Variants in RPS6KA3 observed in about 807,000 individuals in gnomAD.
RPS6KA3 encodes ribosomal protein S6 kinase alpha-3.
A neutral mutation model predicts 67.2 loss-of-function variants in RPS6KA3; 4 were observed. The observed-to-expected ratio is 0.06, with a 90% CI of 0.03 to 0.14. The LOEUF (loss-of-function observed/expected upper bound fraction) is 0.14, where lower values mean the gene tolerates loss of function less well. Among genes scored for constraint, RPS6KA3 ranks in the 10% least tolerant of loss-of-function variants. The pLI, the probability that RPS6KA3 is intolerant of heterozygous loss-of-function variation, is 1.00. For missense variants in RPS6KA3, 204 were observed against 559.0 expected (o/e 0.36, Z 6.40); for synonymous variants, 182 against 183.7 (o/e 0.99, Z 0.07).
chrX:20,216,586 G>A (rs1364535005), intron 2 of RPS6KA3, among the ~76,000 whole-genome samples: 1 of 110,445 alleles, frequency 9.1e-6, no homozygotes, highest in Non-Finnish European at 1.9e-5. Flanking sequence ...TATGGAAAGG[G>A]GGGGGTTGTA....
At chrX:20,163,174 C>A (rs1354533954) in intron 18 of RPS6KA3, 134 bp from the exon 19 acceptor site, 1 of 486,033 alleles carries the variant, frequency 2.1e-6, no homozygotes, top group Admixed American at 3.0e-5. Context: ...CCAAATAAGG[C>A]AATACGTTAA....
chrX:20,188,962 T>C (rs1472446998), intron 7 of RPS6KA3, among the ~76,000 whole-genome samples: 1 of 112,149 alleles, frequency 8.9e-6, no homozygotes, highest in African/African-American at 3.2e-5. Context: ...TTGTGGAGAA[T>C]AGGGTATCAC....
At chrX:20,188,368 G>A (rs1035027596) in intron 8 of RPS6KA3, 129 bp downstream of exon 8, 8 of 435,784 alleles carry the variant, frequency 1.8e-5, no homozygotes, top group East Asian at 1.6e-4. Flanking sequence ...GAGCCACTAC[G>A]CCTGGCCCTA....
intron 18 of RPS6KA3, among the ~76,000 whole-genome samples, chrX:20,163,462 CCT>C (rs200859367): frequency 0.027 from 2,515 of 94,298 alleles, 80 homozygotes; most frequent in African/African-American, 0.12. Flanking sequence ...ACAAAAAACC[CCT>C]GATTTCCCCC....
Position 20,154,947 on chromosome X carries a change from A to C in RPS6KA3, c.*451T>G. 1 of 187,983 alleles carries C rather than the reference A, an allele frequency of 5.3e-6. No individual in the cohort carries two copies. The allele number at this position is 187,983 out of a possible 1,213,427, so 15.5% of individuals were successfully genotyped here. On this transcript the variant is annotated 3_prime_UTR_variant, in exon 22 of 22. Coordinates refer to ENST00000379565, the MANE Select transcript of RPS6KA3 (RefSeq NM_004586.3). ...GTATATGAACTGTTTACAAAAACATACAAAATGTTGGATGGCACAAGGGAT... is the reference window on the plus strand; with the variant it reads ...GTATATGAACTGTTTACAAAAACATCCAAAATGTTGGATGGCACAAGGGAT...
chrX:20,227,511 T>C (rs764343961), intron 2 of RPS6KA3, among the ~76,000 whole-genome samples: 1 of 111,479 alleles, frequency 9.0e-6, no homozygotes, highest in East Asian at 2.8e-4. Flanking sequence ...CAATCTTTTA[T>C]ATAGGATTAA....
At chrX:20,156,287 T>A (rs1433389082) in intron 20 of RPS6KA3, 38 bp from the exon 21 acceptor site, 2 of 1,171,733 alleles carry the variant, frequency 1.7e-6, no homozygotes, top group South Asian at 3.6e-5. Flanking sequence ...AAACCTTTTG[T>A]TTTGCTTCTT....
Position 20,255,789 on chromosome X carries a change from C to CA in RPS6KA3, c.69+10774dup, listed in dbSNP as rs766544803. On this transcript the variant is annotated intron_variant, in intron 1 of 21. Transcript: ENST00000379565. Reference sequence around the variant, plus strand: ...TGGGCAATAGAGCAAAATTTCGTCTCAAAAAAAAAAAAAAAAAAAAAAAAA... The same window carrying CA: ...TGGGCAATAGAGCAAAATTTCGTCTCAAAAAAAAAAAAAAAAAAAAAAAAAA... Among the ~76,000 whole-genome samples the CA allele has an allele frequency of 2.6e-3, 44 of 17,153 alleles. 1 individual carries two copies. Among genetic ancestry groups the CA allele is most frequent in the African/African-American group, 0.012 (40 of 3,291 alleles). 14.9% of individuals were successfully genotyped at this position (17,153 alleles called of 115,157 possible).
intron 10 of RPS6KA3, among the ~76,000 whole-genome samples, chrX:20,180,764 A>C (rs889255348): frequency 4.4e-5 from 5 of 112,387 alleles, no homozygotes; most frequent in Non-Finnish European, 9.4e-5. Context: ...ATATTTGGGG[A>C]GACTCTAGCC....
chrX:20,188,910 A>T (rs986659815), intron 7 of RPS6KA3, among the ~76,000 whole-genome samples: 5 of 112,189 alleles, frequency 4.5e-5, no homozygotes, highest in African/African-American at 1.6e-4. Context: ...AACATCAGAC[A>T]TGTCATTCTC....
chrX:20,178,130 A>G lies in RPS6KA3; in HGVS notation c.846-1046T>C, dbSNP rs368640686. 3.6e-5 allele frequency among the ~76,000 whole-genome samples: 4 copies of G among 112,083 alleles called. No individual in the cohort carries two copies. In the East Asian group the frequency reaches 1.1e-3, roughly 31 times the overall value. Reference sequence around the variant, plus strand: ...GATACAGAGATAAAGAGAGCCCATGAAACTCATGGTCCATGGTGAAGATGG... The same window carrying G: ...GATACAGAGATAAAGAGAGCCCATGGAACTCATGGTCCATGGTGAAGATGG... On this transcript the variant is annotated intron_variant, in intron 10 of 21. Transcript: ENST00000379565.
intron 2 of RPS6KA3, among the ~76,000 whole-genome samples, chrX:20,215,618 G>A (rs2068831505): frequency 8.9e-6 from 1 of 111,958 alleles, no homozygotes; most frequent in Admixed American, 9.5e-5. Flanking sequence ...TGCCCAGATT[G>A]TACTTAATGT....
chrX:20,214,309 T>A (rs1285699796), intron 2 of RPS6KA3, among the ~76,000 whole-genome samples: 1 of 112,313 alleles, frequency 8.9e-6, no homozygotes, highest in African/African-American at 3.2e-5. Context: ...TACCCCCTTG[T>A]AACTTCCAAA....
intron 2 of RPS6KA3, among the ~76,000 whole-genome samples, chrX:20,212,176 C>T (rs2068732823): frequency 9.0e-6 from 1 of 111,504 alleles, no homozygotes; most frequent in Non-Finnish European, 1.9e-5. Flanking sequence ...CCCTTCCTTT[C>T]ATCTCATGTC....
At chrX:20,204,610 C>T (rs1445641570) in intron 3 of RPS6KA3, among the ~76,000 whole-genome samples, 2 of 112,016 alleles carry the variant, frequency 1.8e-5, no homozygotes, top group East Asian at 5.6e-4. Context: ...ATTTAAAACA[C>T]TTACATTGGG....
At chrX:20,231,818 G>A (rs1315209064) in intron 2 of RPS6KA3, among the ~76,000 whole-genome samples, 1 of 111,118 alleles carries the variant, frequency 9.0e-6, no homozygotes, top group Non-Finnish European at 1.9e-5. Context: ...GCAGAGAGTG[G>A]AATGATGTAT....
intron 4 of RPS6KA3, among the ~76,000 whole-genome samples, chrX:20,199,356 T>TC (rs1318206373): frequency 1.8e-5 from 2 of 111,906 alleles, no homozygotes; most frequent in South Asian, 3.7e-4. Flanking sequence ...TCTGTCTCTT[T>TC]CTTAAATGTT....
chrX:20,173,186 G>A (rs182514253), intron 14 of RPS6KA3, among the ~76,000 whole-genome samples: 1 of 111,347 alleles, frequency 9.0e-6, no homozygotes, highest in Non-Finnish European at 1.9e-5. Context: ...CCAGTCCCCA[G>A]TCGGCTATAG....
chrX:20,175,880 TTTC>T (rs1364262560), intron 13 of RPS6KA3, among the ~76,000 whole-genome samples: 1 of 110,817 alleles, frequency 9.0e-6, no homozygotes, highest in Non-Finnish European at 1.9e-5. Flanking sequence ...ATTTTCTTTT[TTTC>T]TTTTTGAGAC....
Sources: gnomAD v4.1 joint callset for allele counts (sites outside exome capture counted in the v4.1 genomes callset) on GRCh38, gnomAD v4.1.1 for gene constraint, MANE v1.5 for transcripts, NCBI Gene and HGNC (gene_info 2026-07-23, HGNC 2026-07-21) for gene names.